ASB2: variants seen among roughly 807,000 people sequenced by gnomAD.
The protein encoded by ASB2 is ankyrin repeat and SOCS box containing 2.
A neutral mutation model predicts 62.4 loss-of-function variants in ASB2; 58 were observed. The ratio of observed to expected loss-of-function variants is 0.93; its 90% confidence interval spans 0.75 to 1.16. The LOEUF (loss-of-function observed/expected upper bound fraction) is 1.16. ASB2 is among the 50% of genes most tolerant of loss of function. The pLI, the probability that ASB2 is intolerant of heterozygous loss-of-function variation, is 0.00. For synonymous variants in ASB2, 386 were observed against 385.3 expected (o/e 1.00, Z -0.02); for missense variants, 928 against 887.9 (o/e 1.05, Z -0.57).
chr14:93,939,482 G>T lies in ASB2; in HGVS notation c.1243C>A (p.Leu415Met). The T allele has an allele frequency of 1.9e-6, 3 of 1,611,332 alleles. No individual in the cohort carries two copies. The highest frequency in any genetic ancestry group is 2.5e-6 in the Non-Finnish European group (3 of 1,179,158). Residue 415 changes from leucine (L) to methionine (M), a missense_variant, in exon 8 of 10, where the codon CTG becomes ATG. Coordinates refer to ENST00000555019, the MANE Select transcript of ASB2 (RefSeq NM_001202429.2). ...TTGTTGTTGACCACCGCGAAGTACAGCGCGGAGCTGCGCCGGTCTTCGTAG... is the reference window on the plus strand; with the variant it reads ...TTGTTGTTGACCACCGCGAAGTACATCGCGGAGCTGCGCCGGTCTTCGTAG... ...RLYEDRRSSA[L>M]YFAVVNNNVY...
At chr14:93,938,233 C>CTTTTTTTTTTTTTT (rs35127276) in intron 8 of ASB2, among the ~76,000 whole-genome samples, 9 of 67,618 alleles carry the variant, frequency 1.3e-4, no homozygotes, top group East Asian at 5.8e-4. Flanking sequence ...TAAGTTCTGA[C>CTTTTTTTTTTTTTT]TTTTTTTTTT....
chr14:93,967,132 A>T (rs1302504548), intron 1 of ASB2, among the ~76,000 whole-genome samples: 1 of 152,136 alleles, frequency 6.6e-6, no homozygotes. Flanking sequence ...GTTAAATGGC[A>T]GGGTAGACTA....
At chr14:93,942,470 C>T (rs1046421019) in intron 7 of ASB2, among the ~76,000 whole-genome samples, 4 of 152,206 alleles carry the variant, frequency 2.6e-5, no homozygotes, top group African/African-American at 9.6e-5. Flanking sequence ...GGACCTCATT[C>T]CGAATCACTG....
At chr14:93,937,908 C>A in intron 8 of ASB2, 57 bp from the exon 9 acceptor site, 3 of 1,517,372 alleles carry the variant, frequency 2.0e-6, no homozygotes, top group South Asian at 2.4e-5. Flanking sequence ...CAAGAGCCTG[C>A]GGCCAGGGAC....
chr14:93,965,609 A>C (rs1889564658), intron 1 of ASB2, among the ~76,000 whole-genome samples: 1 of 152,204 alleles, frequency 6.6e-6, no homozygotes, highest in South Asian at 2.1e-4. Context: ...GCTGACTCAC[A>C]CTGTGTGGGT....
intron 8 of ASB2, among the ~76,000 whole-genome samples, chr14:93,938,219 C>T (rs1010009375): frequency 2.0e-4 from 29 of 144,986 alleles, no homozygotes; most frequent in African/African-American, 7.4e-4. Flanking sequence ...GTCTAACTTC[C>T]TTTTAAGTTC....
At chr14:93,966,930 A>G (rs974997160) in intron 1 of ASB2, among the ~76,000 whole-genome samples, 1 of 152,192 alleles carries the variant, frequency 6.6e-6, no homozygotes, top group Admixed American at 6.5e-5. Flanking sequence ...GGTCCACACT[A>G]GAGGAGGGGA....
chr14:93,963,621 C>T (rs1037817915), intron 2 of ASB2, among the ~76,000 whole-genome samples: 2 of 152,102 alleles, frequency 1.3e-5, no homozygotes, highest in African/African-American at 4.8e-5. Context: ...GTGTAAAATA[C>T]ACACTGGATT....
intron 2 of ASB2, among the ~76,000 whole-genome samples, chr14:93,961,941 G>A (rs1430198519): frequency 1.3e-5 from 2 of 152,118 alleles, no homozygotes; most frequent in African/African-American, 4.8e-5. Context: ...GACAGACTTT[G>A]GTTCCATGCC....
At chr14:93,949,814 C>G (rs537557748) in intron 6 of ASB2, among the ~76,000 whole-genome samples, 1 of 152,198 alleles carries the variant, frequency 6.6e-6, no homozygotes, top group Non-Finnish European at 1.5e-5. Flanking sequence ...GGACCCCCGG[C>G]CTGGGCTCCC....
chr14:93,953,389 G>A lies in ASB2; in HGVS notation c.597C>T (p.Asp199=), dbSNP rs1417539082. 78 of 1,599,398 alleles carry A rather than the reference G, an allele frequency of 4.9e-5. No individual in the cohort carries two copies. The highest frequency in any genetic ancestry group is 6.5e-5 in the Non-Finnish European group (76 of 1,168,396). The change falls in exon 5 of 10, where the codon GAC becomes GAT. Residue 199 remains aspartate (D), a synonymous_variant. Coordinates refer to ENST00000555019, the MANE Select transcript of ASB2 (RefSeq NM_001202429.2). ...LSLLQAGAEP[D]ISNKSRETPL... is the part of the protein sequence containing the mutation. ...GTGTCTCTCGGGATTTGTTGGAGAT[G>A]TCCGGCTCTGCCCCTGCTTGGAGCA...
Position 93,947,393 on chromosome 14 carries a change from GTCCT to G in ASB2, c.1004_1007del (p.Lys335ThrfsTer24), listed in dbSNP as rs1179965677. On this transcript the variant is annotated frameshift_variant, in exon 7 of 10. Coordinates refer to ENST00000555019, the MANE Select transcript of ASB2 (RefSeq NM_001202429.2). LOFTEE classifies it high-confidence loss of function. ...AGGCGATGTGCAGCGGGAGCAAGCC[GTCCT>G]TGTTGGTCTTGTTGGCGTCGGCACC... 1 of 1,614,082 alleles carries G rather than the reference GTCCT, an allele frequency of 6.2e-7. No homozygotes were observed. The highest frequency in any genetic ancestry group is 8.5e-7 in the Non-Finnish European group (1 of 1,180,060).
At chr14:93,953,665 A>G (rs527341915) in intron 4 of ASB2, among the ~76,000 whole-genome samples, 158 bp from the exon 5 acceptor site, 31 of 152,326 alleles carry the variant, frequency 2.0e-4, no homozygotes, top group African/African-American at 7.2e-4. Flanking sequence ...TCACAGGGCC[A>G]TTTTAGCTTC....
intron 1 of ASB2, among the ~76,000 whole-genome samples, chr14:93,967,314 G>C (rs1889624301): frequency 6.7e-6 from 1 of 150,252 alleles, no homozygotes; most frequent in African/African-American, 2.4e-5. Context: ...GGGGGAAGGG[G>C]CTCTGCCCAG....
chr14:93,939,535 G>T lies in ASB2; in HGVS notation c.1190C>A (p.Thr397Lys). 2 of 1,603,806 alleles carry T rather than the reference G, an allele frequency of 1.2e-6. No individual in the cohort carries two copies. Among genetic ancestry groups the T allele is most frequent in the South Asian group, 2.2e-5 (2 of 90,410 alleles). ...ALLSARFDVN[T>K]PLAPERARLY... ...GCGCGCGCGCTCGGGGGCCAGCGGC[G>T]TGTTCACGTCGAAGCGCGCGCTCAG... is the stretch of plus-strand genomic sequence containing the variant. The change falls in exon 8 of 10, where the codon ACG becomes AAG. Residue 397 changes from threonine (T) to lysine (K), a missense_variant. Coordinates refer to ENST00000555019, the MANE Select transcript of ASB2 (RefSeq NM_001202429.2).
intron 2 of ASB2, among the ~76,000 whole-genome samples, chr14:93,961,281 G>C (rs1283784179): frequency 6.6e-6 from 1 of 152,238 alleles, no homozygotes; most frequent in African/African-American, 2.4e-5. Context: ...GATAGGGTTA[G>C]CCACCCACCT....
At chr14:93,939,843 C>T (rs1888450499) in intron 7 of ASB2, 171 bp from the exon 8 acceptor site, 1 of 510,126 alleles carries the variant, frequency 2.0e-6, no homozygotes, top group Non-Finnish European at 3.3e-6. Flanking sequence ...ATTCTCACCC[C>T]ACTGGGCAGG....
At chr14:93,936,652 T>G (rs1167112616) in intron 9 of ASB2, among the ~76,000 whole-genome samples, 1 of 152,128 alleles carries the variant, frequency 6.6e-6, no homozygotes, top group Non-Finnish European at 1.5e-5. Flanking sequence ...TACAGCACAT[T>G]TGGGTTCACA....
At chr14:93,975,899 A>T (rs926721452) in intron 1 of ASB2, among the ~76,000 whole-genome samples, 1 of 152,238 alleles carries the variant, frequency 6.6e-6, no homozygotes, top group Non-Finnish European at 1.5e-5. Context: ...GTTGGATCTC[A>T]CATAAATAAC....
Sources: allele counts gnomAD v4.1 joint callset (sites outside exome capture counted in the v4.1 genomes callset), GRCh38; gene constraint gnomAD v4.1.1; transcripts MANE v1.5; gene names NCBI Gene and HGNC (gene_info 2026-07-23, HGNC 2026-07-21).